Variants in CDC14B observed in about 807,000 individuals in gnomAD.
The protein encoded by CDC14B is dual specificity protein phosphatase CDC14B.
A neutral mutation model predicts 64.2 loss-of-function variants in CDC14B; 22 were observed. The observed-to-expected ratio is 0.34, with a 90% CI of 0.24 to 0.49. CDC14B has a LOEUF of 0.49. Among genes scored for constraint, CDC14B ranks in the 20% least tolerant of loss-of-function variants. The pLI, the probability that CDC14B is intolerant of heterozygous loss-of-function variation, is 0.99. For synonymous variants in CDC14B, 191 were observed against 215.8 expected (o/e 0.89, Z 1.01); for missense variants, 498 against 629.9 (o/e 0.79, Z 2.24).
chr9:96,601,794 GAAAAAAAAA>G (rs35472518), intron 1 of CDC14B, among the ~76,000 whole-genome samples: 4 of 68,264 alleles, frequency 5.9e-5, no homozygotes, highest in Non-Finnish European at 1.1e-4. Flanking sequence ...ACGCTGTCTC[GAAAAAAAAA>G]AAAAAAAAAA....
At chr9:96,579,793 C>T (rs1845034041) in intron 1 of CDC14B, among the ~76,000 whole-genome samples, 1 of 152,150 alleles carries the variant, frequency 6.6e-6, no homozygotes, top group African/African-American at 2.4e-5. Flanking sequence ...ACCACGCAGA[C>T]TATGCATAGC....
chr9:96,568,832 G>A (rs765008433), intron 1 of CDC14B, among the ~76,000 whole-genome samples: 4 of 151,842 alleles, frequency 2.6e-5, no homozygotes, highest in Non-Finnish European at 5.9e-5. Context: ...CAGGAGAATC[G>A]TTTGAACCCG....
chr9:96,559,952 T>C (rs920744670), intron 4 of CDC14B, among the ~76,000 whole-genome samples: 9 of 152,106 alleles, frequency 5.9e-5, no homozygotes, highest in African/African-American at 1.9e-4. Flanking sequence ...GAAACAAATA[T>C]GCCAAAAAAT....
At chr9:96,525,258 T>G (rs1279719988) in intron 9 of CDC14B, among the ~76,000 whole-genome samples, 2 of 152,066 alleles carry the variant, frequency 1.3e-5, no homozygotes, top group African/African-American at 4.8e-5. Context: ...GAGATGGGAT[T>G]ATACCAGCAG....
chr9:96,596,436 T>C (rs1160883608), intron 1 of CDC14B, among the ~76,000 whole-genome samples: 2 of 147,992 alleles, frequency 1.4e-5, no homozygotes, highest in Non-Finnish European at 3.0e-5. Flanking sequence ...TTTCTGAAGA[T>C]AAAAACTACA....
chr9:96,515,623 G>A lies in CDC14B; in HGVS notation c.1344-5834C>T. 6.5e-7 allele frequency: 1 copy of A among 1,544,988 alleles called. No homozygotes were observed. The highest frequency in any genetic ancestry group is 1.2e-5 in the South Asian group (1 of 82,846). On this transcript the variant is annotated intron_variant, in intron 12 of 13. Coordinates refer to ENST00000375241, the MANE Select transcript of CDC14B (RefSeq NM_033331.4). The surrounding 1 kb of genome is among the most constrained non-coding windows in gnomAD (Gnocchi z 4.3). ...CACTAGGCACCAGAAGTAAGCAACGGCAGAGAAACAGAACGGGACACTTAC... is the reference window on the plus strand; with the variant it reads ...CACTAGGCACCAGAAGTAAGCAACGACAGAGAAACAGAACGGGACACTTAC...
At chr9:96,604,541 C>T (rs1363471790) in intron 1 of CDC14B, among the ~76,000 whole-genome samples, 1 of 151,096 alleles carries the variant, frequency 6.6e-6, no homozygotes. Context: ...CCACCACGCC[C>T]GGCTAATTTT....
chr9:96,618,634 G>A, intron 1 of CDC14B: 2 of 528,542 alleles, frequency 3.8e-6, no homozygotes, highest in South Asian at 2.8e-5. Context: ...GGCGTTCGGG[G>A]GGCGCGCTAG....
At chr9:96,544,570 C>T (rs1840542043) in intron 5 of CDC14B, among the ~76,000 whole-genome samples, 1 of 152,214 alleles carries the variant, frequency 6.6e-6, no homozygotes, top group African/African-American at 2.4e-5. Context: ...TCATGGCTCA[C>T]TGCAGCCTTG....
Position 96,509,890 on chromosome 9 carries a change from G to A in CDC14B, c.1344-101C>T, listed in dbSNP as rs563620370. ...TGCACTTTAGTGCAAATTATCTTGA[G>A]AATTGAGAGGATTTTCCATCAACAC... On this transcript the variant is annotated intron_variant, in intron 12 of 13. Coordinates refer to ENST00000375241, the MANE Select transcript of CDC14B (RefSeq NM_033331.4). 111 of 690,594 alleles carry A rather than the reference G, an allele frequency of 1.6e-4. 2 individuals are homozygous for A. Among genetic ancestry groups the A allele is most frequent in the South Asian group, 1.0e-3 (53 of 52,050 alleles). 42.8% of individuals were successfully genotyped at this position (690,594 alleles called of 1,614,324 possible).
intron 5 of CDC14B, among the ~76,000 whole-genome samples, 184 bp downstream of exon 5, chr9:96,551,612 G>A (rs1048954208): frequency 3.3e-5 from 5 of 152,112 alleles, no homozygotes; most frequent in Non-Finnish European, 2.9e-5. Context: ...ATGCTACGAC[G>A]CACAAGATAG....
chr9:96,563,049 A>C (rs1240303032), intron 3 of CDC14B, among the ~76,000 whole-genome samples: 1 of 152,242 alleles, frequency 6.6e-6, no homozygotes, highest in Non-Finnish European at 1.5e-5. Context: ...CTTCTGAAAG[A>C]GCAAACCAAG....
At chr9:96,607,413 CTTTT>C (rs999912549) in intron 1 of CDC14B, among the ~76,000 whole-genome samples, 2 of 66,354 alleles carry the variant, frequency 3.0e-5, no homozygotes, top group East Asian at 9.0e-4. Context: ...AACGTGATGT[CTTTT>C]TTTTTTTTTT....
intron 1 of CDC14B, chr9:96,618,366 C>T: frequency 2.4e-6 from 1 of 411,078 alleles, no homozygotes. Context: ...TACATCATCA[C>T]ATTTAATGCC....
At chr9:96,495,837 G>A (rs910253025), downstream of CDC14B, among the ~76,000 whole-genome samples, 1 of 152,202 alleles carries the variant, frequency 6.6e-6, no homozygotes, top group Admixed American at 6.5e-5. Context: ...GCTGATTGAT[G>A]AATAGACCCT....
At position 96,548,801 on chromosome 9, in the gene CDC14B, TA is replaced by T. The variant is rs1308254532; in HGVS notation, c.497+2994del. 4.9e-3 allele frequency among the ~76,000 whole-genome samples: 682 copies of T among 139,498 alleles called. 1 individual carries two copies. The highest frequency in any genetic ancestry group is 0.023 in the Middle Eastern group (6 of 258). 91.5% of individuals were successfully genotyped at this position (139,498 alleles called of 152,430 possible). A position where few individuals can be genotyped will look rare whatever the true frequency, so the allele number is the denominator to read the frequency against. On this transcript the variant is annotated intron_variant, in intron 5 of 13. Coordinates refer to ENST00000375241, the MANE Select transcript of CDC14B (RefSeq NM_033331.4). ...GGGTGACAGAGCAAGAATCTGTCTT[TA>T]AAAAAAAAAAAAAGAGAGAGAGAGA...
Position 96,619,496 on chromosome 9 carries a change from C to CGGGGACGGCGGGCGCCGGCA in CDC14B, c.-138_-119dup. 1 of 397,044 alleles carries CGGGGACGGCGGGCGCCGGCA rather than the reference C, an allele frequency of 2.5e-6. No individual in the cohort carries two copies. The highest frequency in any genetic ancestry group is 1.0e-4 in the South Asian group (1 of 9,796). The allele number at this position is 397,044 out of a possible 1,614,324, so 24.6% of individuals were successfully genotyped here. ...GGGCGGCGGGCGCAGAGCGGCGCTG[C>CGGGGACGGCGGGCGCCGGCA]GGGGACGGCGGGCGCCGGCAGAGCC... is the stretch of plus-strand genomic sequence containing the variant. On this transcript the variant is annotated 5_prime_UTR_variant, in exon 1 of 14. Transcript: ENST00000375241.
At chr9:96,527,233 A>G (rs922627233) in intron 9 of CDC14B, among the ~76,000 whole-genome samples, 29 of 152,128 alleles carry the variant, frequency 1.9e-4, no homozygotes, top group Non-Finnish European at 3.7e-4. Context: ...CCCCGTCTCT[A>G]GTAAAAATAC....
intron 12 of CDC14B, among the ~76,000 whole-genome samples, chr9:96,512,845 CTT>C (rs75737532): frequency 1.4e-5 from 2 of 147,356 alleles, no homozygotes; most frequent in Admixed American, 6.8e-5. Flanking sequence ...CTCCTGTTGG[CTT>C]TTTTTTTTTA....
Sources: gnomAD v4.1 joint callset for allele counts (sites outside exome capture counted in the v4.1 genomes callset) on GRCh38, gnomAD v4.1.1 for gene constraint, Gnocchi (gnomAD v3.1) non-coding constraint, MANE v1.5 for transcripts, NCBI Gene and HGNC (gene_info 2026-07-23, HGNC 2026-07-21) for gene names.